TRPC4AP: variants seen among roughly 807,000 people sequenced by gnomAD.
The protein encoded by TRPC4AP is short transient receptor potential channel 4-associated protein.
A neutral mutation model predicts 99.0 loss-of-function variants in TRPC4AP; 45 were observed. The ratio of observed to expected loss-of-function variants is 0.45; its 90% CI spans 0.36 to 0.58. TRPC4AP has a LOEUF of 0.58. Among genes scored for constraint, TRPC4AP ranks in the 20% least tolerant of loss-of-function variants. The pLI is 0.00. For synonymous variants in TRPC4AP, 408 were observed against 385.8 expected (o/e 1.06, Z -0.67); for missense variants, 879 against 985.3 (o/e 0.89, Z 1.44).
At chr20:35,016,262 G>A (rs1484219050) in intron 9 of TRPC4AP, 123 bp from the exon 10 acceptor site, 5 of 1,177,538 alleles carry the variant, frequency 4.2e-6, no homozygotes, top group African/African-American at 1.5e-5. Flanking sequence ...AGTAAGGAGG[G>A]CCAGGGTCTG....
intron 4 of TRPC4AP, among the ~76,000 whole-genome samples, chr20:35,056,159 C>G (rs1001285578): frequency 6.6e-6 from 1 of 152,224 alleles, no homozygotes; most frequent in Non-Finnish European, 1.5e-5. Context: ...ACCTTTCAAC[C>G]TACTGGGGCT....
chr20:35,081,506 CTG>C (rs2084645540), intron 1 of TRPC4AP, among the ~76,000 whole-genome samples: 1 of 151,194 alleles, frequency 6.6e-6, no homozygotes, highest in Admixed American at 6.6e-5. Flanking sequence ...GAATGCAACC[CTG>C]TCTCAAAAAA....
At chr20:35,037,346 C>CAAAAAAAAAAAAAAAAAAAAAAAAAA (rs71196778) in intron 7 of TRPC4AP, among the ~76,000 whole-genome samples, 1 of 78,964 alleles carries the variant, frequency 1.3e-5, no homozygotes, top group Non-Finnish European at 2.4e-5. Flanking sequence ...GACTCTGTCT[C>CAAAAAAAAAAAAAAAAAAAAAAAAAA]AAAAAAAAAA....
chr20:35,067,813 A>G (rs2084182690), intron 3 of TRPC4AP, among the ~76,000 whole-genome samples: 2 of 152,348 alleles, frequency 1.3e-5, no homozygotes, highest in African/African-American at 4.8e-5. Context: ...AGAAATCTAT[A>G]GAGACAAAAA....
chr20:35,067,925 T>C (rs1016882843), intron 3 of TRPC4AP, among the ~76,000 whole-genome samples: 1 of 152,098 alleles, frequency 6.6e-6, no homozygotes, highest in African/African-American at 2.4e-5. Context: ...TGCTCTAAAG[T>C]TGACTGTGGT....
Position 35,003,400 on chromosome 20 carries a change from G to A in TRPC4AP, c.2256+10C>T. On this transcript the variant is annotated intron_variant, in intron 18 of 18. Transcript: ENST00000252015. The stretch of plus-strand genomic sequence containing the variant: ...CCCACCCATCACCCCCTTGAGGGTG[G>A]GGCACTCACGTTCTCTAGGCAGGTG... The A allele has an allele frequency of 1.9e-6, 3 of 1,614,036 alleles. No homozygotes were observed. Among genetic ancestry groups the A allele is most frequent in the Non-Finnish European group, 1.7e-6 (2 of 1,179,992 alleles).
At chr20:35,092,531 G>T in intron 1 of TRPC4AP, 83 bp downstream of exon 1, 1 of 1,379,536 alleles carries the variant, frequency 7.2e-7, no homozygotes, top group Non-Finnish European at 9.4e-7. Flanking sequence ...GTCCAGCGGC[G>T]GCCTGGAAAG....
At chr20:35,008,803 G>A (rs1214027267) in intron 12 of TRPC4AP, 56 bp from the exon 13 acceptor site, 5 of 1,516,998 alleles carry the variant, frequency 3.3e-6, no homozygotes, top group Non-Finnish European at 4.6e-6. Context: ...GGGGCCCTGG[G>A]GATGGGTCAT....
Position 35,031,064 on chromosome 20 carries a change from A to G in TRPC4AP, c.1051+4059T>C, listed in dbSNP as rs530459769. ...TCTTTGAAACATAGTTTTGTAAAAT[A>G]CAAGATTCTTGGTTGACTGTTTTCT... On this transcript the variant is annotated intron_variant, in intron 8 of 18. Coordinates refer to ENST00000252015, the MANE Select transcript of TRPC4AP (RefSeq NM_015638.3). Among the ~76,000 whole-genome samples the G allele has an allele frequency of 3.3e-5, 5 of 152,314 alleles. No homozygotes were observed. In the South Asian group the frequency reaches 1.0e-3, roughly 32 times the overall value.
chr20:35,036,621 A>T (rs1157842892), intron 7 of TRPC4AP, among the ~76,000 whole-genome samples: 1 of 152,198 alleles, frequency 6.6e-6, no homozygotes, highest in East Asian at 1.9e-4. Flanking sequence ...CCCAAGGTGA[A>T]GTAGGGTATA....
At chr20:35,053,187 T>C (rs1885758882) in intron 5 of TRPC4AP, among the ~76,000 whole-genome samples, 1 of 152,236 alleles carries the variant, frequency 6.6e-6, no homozygotes, top group Non-Finnish European at 1.5e-5. Flanking sequence ...CTTTTCTTTA[T>C]GCTAAGAACC....
At chr20:35,003,344 G>T (rs1569073743) in intron 18 of TRPC4AP, 61 bp from the exon 19 acceptor site, 2 of 1,613,302 alleles carry the variant, frequency 1.2e-6, no homozygotes, top group East Asian at 4.5e-5. Context: ...CCAGCACCGG[G>T]ACACCCCTCT....
intron 3 of TRPC4AP, 43 bp downstream of exon 3, chr20:35,069,253 T>C (rs781001817): frequency 2.7e-6 from 3 of 1,105,928 alleles, no homozygotes. Context: ...CCCAAACCAT[T>C]AAGCAGTAGT....
intron 8 of TRPC4AP, among the ~76,000 whole-genome samples, chr20:35,028,691 G>T (rs1312287058): frequency 6.6e-6 from 1 of 152,046 alleles, no homozygotes; most frequent in African/African-American, 2.4e-5. Flanking sequence ...GTCCTTGTTG[G>T]TATACAGTGT....
At chr20:35,081,985 AAAAAC>A (rs1569152426) in intron 1 of TRPC4AP, among the ~76,000 whole-genome samples, 1 of 152,108 alleles carries the variant, frequency 6.6e-6, no homozygotes, top group African/African-American at 2.4e-5. Flanking sequence ...ACTCTGTCTC[AAAAAC>A]AAAACAAAAC....
At chr20:35,065,334 CATTT>C (rs1341476830) in intron 3 of TRPC4AP, among the ~76,000 whole-genome samples, 1 of 152,232 alleles carries the variant, frequency 6.6e-6, no homozygotes, top group Non-Finnish European at 1.5e-5. Flanking sequence ...TCCCCATACT[CATTT>C]AATTTATGCA....
chr20:35,063,413 G>A (rs958530489), intron 3 of TRPC4AP, among the ~76,000 whole-genome samples: 3 of 152,090 alleles, frequency 2.0e-5, no homozygotes, highest in Admixed American at 1.3e-4. Flanking sequence ...ATAGATTAAC[G>A]GCTGCCAGAG....
intron 3 of TRPC4AP, among the ~76,000 whole-genome samples, chr20:35,066,422 A>C (rs960681171): frequency 6.6e-6 from 1 of 152,142 alleles, no homozygotes; most frequent in Non-Finnish European, 1.5e-5. Flanking sequence ...TATAAATTGC[A>C]CATGTAGTTT....
chr20:35,008,555 G>C, intron 13 of TRPC4AP, 109 bp downstream of exon 13: 1 of 894,396 alleles, frequency 1.1e-6, no homozygotes, highest in Non-Finnish European at 1.8e-6. Context: ...CAGTAATTGT[G>C]CTTCAGGAGG....
Sources: allele counts gnomAD v4.1 joint callset (sites outside exome capture counted in the v4.1 genomes callset), GRCh38; gene constraint gnomAD v4.1.1; transcripts MANE v1.5; gene names NCBI Gene and HGNC (gene_info 2026-07-23, HGNC 2026-07-21).